Variants in ABCA12 observed in about 807,000 individuals in gnomAD.
ABCA12 encodes ATP binding cassette subfamily A member 12, also known as glucosylceramide transporter ABCA12.
In ABCA12, 156 loss-of-function variants were observed where a neutral mutation model predicts 293.5. The observed-to-expected ratio is 0.53, with a 90% CI of 0.47 to 0.61. ABCA12 has a LOEUF of 0.61. Ranked by LOEUF, ABCA12 falls within the 20% of genes least tolerant of loss-of-function variation. The pLI, the probability that ABCA12 is intolerant of heterozygous loss-of-function variation, is 0.00. For synonymous variants in ABCA12, 1,063 were observed against 1,108.0 expected, an observed-to-expected ratio of 0.96 and a Z score of 0.81; for missense variants, 2,797 against 3,090.2, an observed-to-expected ratio of 0.91 and a Z score of 2.25.
chr2:214,988,431 C>T (rs1699834402), intron 26 of ABCA12, among the ~76,000 whole-genome samples: 1 of 152,186 alleles, frequency 6.6e-6, no homozygotes, highest in African/African-American at 2.4e-5. Context: ...CTGCTCCCAC[C>T]TCACATCCCA....
chr2:215,041,160 T>C (rs1559162144), intron 7 of ABCA12, among the ~76,000 whole-genome samples: 1 of 152,204 alleles, frequency 6.6e-6, no homozygotes, highest in Non-Finnish European at 1.5e-5. Flanking sequence ...TATTACAACA[T>C]GTGGTATGCC....
At chr2:214,947,042 C>G (rs138568936) in intron 48 of ABCA12, among the ~76,000 whole-genome samples, 3 of 152,064 alleles carry the variant, frequency 2.0e-5, no homozygotes, top group Admixed American at 6.6e-5. Context: ...GTGAGTTTAC[C>G]TACTCAGTTC....
At chr2:215,118,810 T>C (rs1344763222) in intron 1 of ABCA12, among the ~76,000 whole-genome samples, 3 of 152,156 alleles carry the variant, frequency 2.0e-5, no homozygotes, top group African/African-American at 4.8e-5. Context: ...TATGTCATCT[T>C]TTGAGAAGTG....
chr2:215,060,558 GAA>G (rs1459072244), intron 3 of ABCA12, among the ~76,000 whole-genome samples: 1 of 151,990 alleles, frequency 6.6e-6, no homozygotes, highest in Non-Finnish European at 1.5e-5. Context: ...CAAGCTAGAG[GAA>G]AGTTTAAAAC....
intron 4 of ABCA12, among the ~76,000 whole-genome samples, 158 bp downstream of exon 4, chr2:215,054,415 C>T (rs552075505): frequency 1.3e-4 from 20 of 152,078 alleles, no homozygotes; most frequent in Admixed American, 7.2e-4. Flanking sequence ...GTAATTGCAC[C>T]GCCATACTCA....
At chr2:214,971,522 A>C (rs1037471221) in intron 36 of ABCA12, among the ~76,000 whole-genome samples, 1 of 151,636 alleles carries the variant, frequency 6.6e-6, no homozygotes, top group Non-Finnish European at 1.5e-5. Flanking sequence ...AATTACTATC[A>C]CTCCCAAAGT....
At position 215,134,200 on chromosome 2, in the gene ABCA12, ATTCTC is replaced by A. The variant is rs569120481; in HGVS notation, c.69+3935_69+3939del. Among the ~76,000 whole-genome samples, 540 of 149,818 alleles carry A rather than the reference ATTCTC, an allele frequency of 3.6e-3. 3 individuals are homozygous for A. Among genetic ancestry groups the A allele is most frequent in the African/African-American group, 0.012 (500 of 40,268 alleles). ...TTCTCGGATTGTATAGCTGTTTGTA[ATTCTC>A]TTCTCATTTTCTATTTTAGCATATA... On this transcript the variant is annotated intron_variant, in intron 1 of 52. Coordinates refer to ENST00000272895, the MANE Select transcript of ABCA12 (RefSeq NM_173076.3).
At chr2:215,106,453 C>T (rs1037032837) in intron 2 of ABCA12, among the ~76,000 whole-genome samples, 2 of 152,152 alleles carry the variant, frequency 1.3e-5, no homozygotes, top group African/African-American at 4.8e-5. Context: ...ATCGGTGACA[C>T]CCATGACCCA....
chr2:214,959,285 T>C (rs1302896102), intron 39 of ABCA12, among the ~76,000 whole-genome samples: 4 of 152,156 alleles, frequency 2.6e-5, no homozygotes, highest in Non-Finnish European at 1.5e-5. Context: ...AAAGAAGTTT[T>C]TCACATTGTG....
intron 1 of ABCA12, among the ~76,000 whole-genome samples, chr2:215,130,968 T>C (rs1043759525): frequency 6.6e-6 from 1 of 152,076 alleles, no homozygotes; most frequent in Non-Finnish European, 1.5e-5. Flanking sequence ...GATGTTGGAT[T>C]TGATGGAATT....
At chr2:214,958,622 A>G (rs956133) in intron 40 of ABCA12, among the ~76,000 whole-genome samples, 168 bp from the exon 41 acceptor site, 82,919 of 152,042 alleles carry the variant, frequency 0.55, 23,566 homozygotes, top group African/African-American at 0.71. Context: ...TGACTCTACC[A>G]TGACCCTAGA....
At chr2:215,044,953 T>C (rs1701172235) in intron 7 of ABCA12, among the ~76,000 whole-genome samples, 1 of 152,152 alleles carries the variant, frequency 6.6e-6, no homozygotes, top group Non-Finnish European at 1.5e-5. Context: ...GCCTGGGTTC[T>C]GGAGTTAGAA....
intron 5 of ABCA12, among the ~76,000 whole-genome samples, 160 bp from the exon 6 acceptor site, chr2:215,049,971 C>T (rs1355474437): frequency 1.3e-5 from 2 of 152,078 alleles, no homozygotes; most frequent in Non-Finnish European, 2.9e-5. Context: ...AGAGTTTACC[C>T]ATGAAACTTG....
chr2:214,947,790 C>T, intron 47 of ABCA12: 1 of 526,216 alleles, frequency 1.9e-6, no homozygotes, highest in South Asian at 2.1e-5. Flanking sequence ...GGATTCCCTC[C>T]CCCACCAAAC....
chr2:215,123,407 G>A (rs192242831), intron 1 of ABCA12, among the ~76,000 whole-genome samples: 9 of 152,174 alleles, frequency 5.9e-5, no homozygotes, highest in South Asian at 4.2e-4. Flanking sequence ...CTGATCTCAG[G>A]TGATCTGCCT....
chr2:214,944,414 T>TA (rs751890238), intron 49 of ABCA12, among the ~76,000 whole-genome samples: 6 of 130,138 alleles, frequency 4.6e-5, no homozygotes, highest in Admixed American at 1.6e-4. Flanking sequence ...TCTGTCTAAA[T>TA]AAAAAAAATT....
intron 26 of ABCA12, among the ~76,000 whole-genome samples, chr2:214,988,381 A>G (rs1206902715): frequency 6.6e-6 from 1 of 152,190 alleles, no homozygotes; most frequent in African/African-American, 2.4e-5. Context: ...ACATTTCTAT[A>G]ACTCAAAAAA....
At chr2:215,067,948 A>C (rs1701667515) in intron 2 of ABCA12, among the ~76,000 whole-genome samples, 1 of 152,212 alleles carries the variant, frequency 6.6e-6, no homozygotes, top group South Asian at 2.1e-4. Context: ...CAGTTCTAAG[A>C]ATTTTTTAAA....
intron 20 of ABCA12, 31 bp downstream of exon 20, chr2:215,004,178 A>G (rs755990911): frequency 6.4e-7 from 1 of 1,558,462 alleles, no homozygotes; most frequent in Non-Finnish European, 8.8e-7. Context: ...GACATGACTC[A>G]TGAATAAAAG....
Sources: gnomAD v4.1 joint callset for allele counts (sites outside exome capture counted in the v4.1 genomes callset) on GRCh38, gnomAD v4.1.1 for gene constraint, MANE v1.5 for transcripts, NCBI Gene and HGNC (gene_info 2026-07-23, HGNC 2026-07-21) for gene names.